MAPRE2: variants seen among roughly 807,000 people sequenced by gnomAD.
MAPRE2 encodes the protein microtubule associated protein RP/EB family member 2.
In MAPRE2, 13 loss-of-function variants were observed where a neutral mutation model predicts 43.2. The ratio of observed to expected loss-of-function variants is 0.30; its 90% CI spans 0.20 to 0.48. The LOEUF (loss-of-function observed/expected upper bound fraction) is 0.48, where lower values mean the gene tolerates loss of function less well. Among genes scored for constraint, MAPRE2 ranks in the 20% least tolerant of loss-of-function variants. MAPRE2 has a pLI of 0.99. For synonymous variants in MAPRE2, 135 were observed against 148.8 expected (o/e 0.91, Z 0.68); for missense variants, 161 against 400.2 (o/e 0.40, Z 5.10).
intron 1 of MAPRE2, among the ~76,000 whole-genome samples, chr18:35,068,648 C>T (rs1429694946): frequency 6.6e-6 from 1 of 152,190 alleles, no homozygotes; most frequent in Non-Finnish European, 1.5e-5. Context: ...TCCTCGATGA[C>T]CTGTATCTCA....
intron 1 of MAPRE2, chr18:34,978,609 A>C (rs2097014474): frequency 7.3e-7 from 1 of 1,368,328 alleles, no homozygotes; most frequent in Admixed American, 2.0e-5. Flanking sequence ...ATTTTTATCA[A>C]GCAAAAAGGG....
At chr18:35,088,216 G>C (rs772613451) in intron 2 of MAPRE2, among the ~76,000 whole-genome samples, 8 of 152,176 alleles carry the variant, frequency 5.3e-5, no homozygotes, top group Non-Finnish European at 7.3e-5. Flanking sequence ...TGCTTAGAAG[G>C]CTACTTCATG....
At chr18:34,995,696 G>A (rs1032384454) in intron 1 of MAPRE2, among the ~76,000 whole-genome samples, 1 of 152,162 alleles carries the variant, frequency 6.6e-6, no homozygotes, top group African/African-American at 2.4e-5. Flanking sequence ...TTGCTTGGGG[G>A]TAAGGTCTAA....
chr18:35,052,227 G>C (rs1428022461), intron 1 of MAPRE2, among the ~76,000 whole-genome samples: 1 of 152,164 alleles, frequency 6.6e-6, no homozygotes, highest in African/African-American at 2.4e-5. Context: ...ACCCTTTGCA[G>C]TCCAAATCTT....
At chr18:34,993,659 C>T (rs2097024944) in intron 1 of MAPRE2, among the ~76,000 whole-genome samples, 1 of 152,200 alleles carries the variant, frequency 6.6e-6, no homozygotes, top group Admixed American at 6.5e-5. Context: ...AAATGATGCC[C>T]AAAGAGGGGT....
chr18:35,039,453 T>G (rs900235526), upstream of MAPRE2, among the ~76,000 whole-genome samples: 5 of 152,220 alleles, frequency 3.3e-5, no homozygotes, highest in African/African-American at 1.2e-4. Context: ...GAATTGGATC[T>G]GATTGTATAA....
intron 1 of MAPRE2, among the ~76,000 whole-genome samples, chr18:35,004,744 C>T (rs980885402): frequency 3.9e-5 from 6 of 152,098 alleles, no homozygotes; most frequent in African/African-American, 1.2e-4. Flanking sequence ...GGTGAAACAC[C>T]GTCTCTACTA....
At chr18:34,993,827 G>A (rs2097025026) in intron 1 of MAPRE2, among the ~76,000 whole-genome samples, 1 of 152,174 alleles carries the variant, frequency 6.6e-6, no homozygotes, top group South Asian at 2.1e-4. Flanking sequence ...AGGGTTGACA[G>A]AGAGGGTCTC....
At chr18:35,049,237 C>A (rs1284192491) in intron 1 of MAPRE2, among the ~76,000 whole-genome samples, 1 of 152,108 alleles carries the variant, frequency 6.6e-6, no homozygotes, top group Non-Finnish European at 1.5e-5. Flanking sequence ...TTGAAGGGCC[C>A]TCTGTGATTC....
intron 2 of MAPRE2, among the ~76,000 whole-genome samples, chr18:35,088,147 A>G (rs894503163): frequency 5.9e-5 from 9 of 152,216 alleles, no homozygotes; most frequent in African/African-American, 2.2e-4. Context: ...TAGCACCAAC[A>G]TAAGAGTTAA....
intron 1 of MAPRE2, among the ~76,000 whole-genome samples, chr18:34,981,162 C>G (rs62095400): frequency 6.6e-6 from 1 of 151,612 alleles, no homozygotes; most frequent in African/African-American, 2.4e-5. Context: ...CACCTGAGGT[C>G]AGGAGTTCAA....
At chr18:35,054,793 A>G (rs1603395167) in intron 1 of MAPRE2, among the ~76,000 whole-genome samples, 1 of 152,162 alleles carries the variant, frequency 6.6e-6, no homozygotes, top group African/African-American at 2.4e-5. Context: ...ACTCTTAACT[A>G]GCAAACAACT....
At chr18:35,010,290 C>A (rs1342253545) in intron 2 of MAPRE2, among the ~76,000 whole-genome samples, 1 of 152,112 alleles carries the variant, frequency 6.6e-6, no homozygotes, top group Admixed American at 6.5e-5. Context: ...TCTGTAGTTG[C>A]AGCTATTCAG....
At chr18:35,023,436 C>A (rs1249003124) in intron 2 of MAPRE2, among the ~76,000 whole-genome samples, 1 of 151,794 alleles carries the variant, frequency 6.6e-6, no homozygotes, top group Non-Finnish European at 1.5e-5. Flanking sequence ...GGCATGAACC[C>A]AGGGGTCAGA....
chr18:35,039,916 T>G (rs1461743785), upstream of MAPRE2, among the ~76,000 whole-genome samples: 1 of 152,152 alleles, frequency 6.6e-6, no homozygotes, highest in East Asian at 1.9e-4. Context: ...AAAGAATCCT[T>G]CAAAATCTCT....
intron 1 of MAPRE2, among the ~76,000 whole-genome samples, chr18:35,051,692 G>A (rs745652965): frequency 8.5e-5 from 13 of 152,194 alleles, no homozygotes; most frequent in Non-Finnish European, 1.9e-4. Flanking sequence ...CTTGGCTCTG[G>A]TGTGAGACTT....
At chr18:35,002,211 C>G (rs1156808135) in intron 1 of MAPRE2, among the ~76,000 whole-genome samples, 2 of 152,158 alleles carry the variant, frequency 1.3e-5, no homozygotes, top group Non-Finnish European at 2.9e-5. Context: ...TAAGGACTTT[C>G]TTTTCTCACT....
intron 2 of MAPRE2, 57 bp from the exon 3 acceptor site, chr18:35,097,389 T>C (rs931946510): frequency 3.9e-6 from 6 of 1,549,194 alleles, no homozygotes; most frequent in Middle Eastern, 1.7e-4. Flanking sequence ...CTAGCAGTCC[T>C]CTACCACATC....
At chr18:34,985,744 A>C (rs2097020622) in intron 1 of MAPRE2, among the ~76,000 whole-genome samples, 1 of 131,994 alleles carries the variant, frequency 7.6e-6, no homozygotes, top group Non-Finnish European at 1.5e-5. Flanking sequence ...AATATATATT[A>C]TATATGTAAT....
Sources: allele counts gnomAD v4.1 joint callset (sites outside exome capture counted in the v4.1 genomes callset), GRCh38; gene constraint gnomAD v4.1.1; transcripts MANE v1.5; gene names NCBI Gene and HGNC (gene_info 2026-07-23, HGNC 2026-07-21).